The following STPG4 variants were observed in gnomAD, a reference collection of about 807,000 sequenced individuals.
The protein encoded by STPG4 is sperm-tail PG-rich repeat containing 4.
In STPG4, 41 loss-of-function variants were observed where a neutral mutation model predicts 31.5. The observed-to-expected ratio is 1.30, with a 90% CI of 1.01 to 1.69. STPG4 has a LOEUF of 1.69. Ranked by LOEUF, STPG4 falls within the 40% of genes most tolerant of loss-of-function variation. The pLI, the probability that STPG4 is intolerant of heterozygous loss-of-function variation, is 0.00. For missense variants in STPG4, 375 were observed against 293.4 expected, an observed-to-expected ratio of 1.28 and a Z score of -2.03; for synonymous variants, 141 against 103.0, an observed-to-expected ratio of 1.37 and a Z score of -2.24.
intron 1 of STPG4, among the ~76,000 whole-genome samples, chr2:47,154,177 T>C (rs1432607909): frequency 2.6e-5 from 4 of 152,258 alleles, no homozygotes; most frequent in African/African-American, 9.6e-5. Context: ...TTAAATCTAC[T>C]GTACTTATGA....
intron 5 of STPG4, among the ~76,000 whole-genome samples, chr2:47,120,646 G>C (rs1686250225): frequency 6.6e-6 from 1 of 152,110 alleles, no homozygotes; most frequent in Non-Finnish European, 1.5e-5. Flanking sequence ...CATTCATTTG[G>C]TGGGGGTCCG....
intron 5 of STPG4, among the ~76,000 whole-genome samples, chr2:47,125,677 C>G (rs568947340): frequency 9.2e-5 from 14 of 151,976 alleles, no homozygotes; most frequent in Non-Finnish European, 1.9e-4. Context: ...CTGGAGTTTC[C>G]TCAATGTTTT....
At chr2:47,092,548 G>T (rs1461990167) in intron 5 of STPG4, among the ~76,000 whole-genome samples, 1 of 116,106 alleles carries the variant, frequency 8.6e-6, no homozygotes, top group African/African-American at 3.3e-5. Context: ...AGGGGAGGGA[G>T]AAAGGGAGGG....
intron 3 of STPG4, 128 bp from the exon 4 acceptor site, chr2:47,130,388 G>T: frequency 1.4e-6 from 1 of 711,434 alleles, no homozygotes; most frequent in Non-Finnish European, 2.3e-6. Flanking sequence ...CTTTAATAGT[G>T]GAAAAGGAAA....
chr2:47,119,649 T>A (rs1686226838), intron 5 of STPG4, among the ~76,000 whole-genome samples: 1 of 149,834 alleles, frequency 6.7e-6, no homozygotes. Context: ...TTATCTCCAT[T>A]CTTTTCCCAT....
Position 47,150,038 on chromosome 2 carries a change from C to T in STPG4, c.399+1220G>A, listed in dbSNP as rs372941348. The stretch of plus-strand genomic sequence containing the variant: ...GCTGCTTCACCTACTTAAGTATTAG[C>T]AATGTGCCTTTGGACAAGTTATTTA... On this transcript the variant is annotated intron_variant, in intron 3 of 6. Coordinates refer to ENST00000445927, the MANE Select transcript of STPG4 (RefSeq NM_001163561.2). 1.3e-4 allele frequency among the ~76,000 whole-genome samples: 20 copies of T among 152,320 alleles called. No homozygotes were observed. The East Asian group carries it at 3.3e-3, about 25-fold the overall frequency.
At chr2:47,147,792 G>A (rs568947515) in intron 3 of STPG4, among the ~76,000 whole-genome samples, 26 of 152,022 alleles carry the variant, frequency 1.7e-4, no homozygotes, top group Non-Finnish European at 3.2e-4. Context: ...AGGTGGTCCC[G>A]TTTGTGTACA....
At chr2:47,117,365 ACACCTG>A (rs1686174041) in intron 5 of STPG4, among the ~76,000 whole-genome samples, 1 of 152,094 alleles carries the variant, frequency 6.6e-6, no homozygotes, top group Non-Finnish European at 1.5e-5. Flanking sequence ...ATGCACCACC[ACACCTG>A]GCTAATTTTG....
At chr2:47,091,224 C>T (rs1393042025) in intron 5 of STPG4, among the ~76,000 whole-genome samples, 3 of 152,144 alleles carry the variant, frequency 2.0e-5, no homozygotes, top group African/African-American at 7.2e-5. Context: ...ACAACAAGCA[C>T]AAGCACTCCT....
intron 5 of STPG4, among the ~76,000 whole-genome samples, chr2:47,118,470 A>T (rs771518502): frequency 1.8e-4 from 28 of 152,216 alleles, no homozygotes; most frequent in Non-Finnish European, 2.9e-4. Flanking sequence ...TTACAATGTA[A>T]TGATAATAGA....
intron 3 of STPG4, among the ~76,000 whole-genome samples, chr2:47,130,547 G>A (rs549569505): frequency 7.2e-5 from 11 of 152,120 alleles, no homozygotes; most frequent in East Asian, 3.9e-4. Context: ...ATGGAGTCTC[G>A]CTCTGTCGCC....
chr2:47,090,064 C>G (rs897540265), intron 6 of STPG4, among the ~76,000 whole-genome samples: 2 of 152,242 alleles, frequency 1.3e-5, no homozygotes, highest in Non-Finnish European at 2.9e-5. Flanking sequence ...CACTCTGAAC[C>G]TGAAGTTGGT....
rs535124042 is a variant in STPG4 at position 47,125,963 on chromosome 2, A to G, written c.519+3978T>C. Among the ~76,000 whole-genome samples the G allele has an allele frequency of 2.6e-5, 4 of 152,260 alleles. No homozygotes were observed. In the South Asian group the frequency reaches 8.3e-4, roughly 32 times the overall value. On this transcript the variant is annotated intron_variant, in intron 5 of 6. Transcript: ENST00000445927. ...ATGGATATCCAGTTTTCCTTGCACC[A>G]TTTATTGAAGAGACTGTCCTTTCCC...
intron 5 of STPG4, among the ~76,000 whole-genome samples, chr2:47,107,651 G>A (rs1685944231): frequency 6.6e-6 from 1 of 152,174 alleles, no homozygotes; most frequent in Non-Finnish European, 1.5e-5. Context: ...ACACCCAAGG[G>A]CTGAGGAGTG....
At chr2:47,106,591 C>G (rs1164092639) in intron 5 of STPG4, among the ~76,000 whole-genome samples, 3 of 151,990 alleles carry the variant, frequency 2.0e-5, no homozygotes, top group Admixed American at 2.0e-4. Flanking sequence ...CCTAGACCTC[C>G]TCACTGCTGA....
intron 3 of STPG4, among the ~76,000 whole-genome samples, chr2:47,141,733 C>A (rs1686714955): frequency 6.6e-6 from 1 of 151,862 alleles, no homozygotes; most frequent in African/African-American, 2.4e-5. Context: ...TGGTTTATAG[C>A]TATATAGTAG....
intron 5 of STPG4, among the ~76,000 whole-genome samples, chr2:47,119,384 A>G (rs1286836991): frequency 6.6e-6 from 1 of 152,260 alleles, no homozygotes; most frequent in Non-Finnish European, 1.5e-5. Flanking sequence ...AGCATCTCCC[A>G]AAATCTCCTC....
intron 3 of STPG4, among the ~76,000 whole-genome samples, chr2:47,133,844 TG>T (rs1686541397): frequency 6.6e-6 from 1 of 152,090 alleles, no homozygotes; most frequent in Admixed American, 6.6e-5. Flanking sequence ...CCCAAAGTGC[TG>T]GGATTATAGA....
At chr2:47,129,902 T>A (rs1476784065) in intron 5 of STPG4, 39 bp downstream of exon 5, 2 of 1,600,050 alleles carry the variant, frequency 1.2e-6, no homozygotes, top group African/African-American at 1.4e-5. Context: ...ATTTTAAACA[T>A]CAAATTCATC....
Sources: allele counts gnomAD v4.1 joint callset (sites outside exome capture counted in the v4.1 genomes callset), GRCh38; gene constraint gnomAD v4.1.1; transcripts MANE v1.5; gene names NCBI Gene and HGNC (gene_info 2026-07-23, HGNC 2026-07-21).